Variants in ASPM observed in about 807,000 individuals in gnomAD.
ASPM encodes the protein assembly factor for spindle microtubules.
In ASPM, 256 loss-of-function variants were observed where a neutral mutation model predicts 366.4. The observed-to-expected ratio is 0.70, with a 90% CI of 0.63 to 0.77. The LOEUF (loss-of-function observed/expected upper bound fraction) is 0.77, where lower values mean the gene tolerates loss of function less well. Ranked by LOEUF, ASPM falls within the 30% of genes least tolerant of loss-of-function variation. ASPM has a pLI of 0.00. For missense variants in ASPM, 4,146 were observed against 4,090.4 expected (o/e 1.01, Z -0.37); for synonymous variants, 1,414 against 1,342.9 (o/e 1.05, Z -1.16).
rs749979514 is a variant in ASPM at position 197,103,263 on chromosome 1, A to T, written c.5988T>A (p.Ala1996=). The T allele has an allele frequency of 6.2e-7, 1 of 1,613,002 alleles. No homozygotes were observed. Among genetic ancestry groups the T allele is most frequent in the South Asian group, 1.1e-5 (1 of 91,068 alleles). ...TATAATACTTTTGAATCAGAAGAGC[A>T]GCTTTTTTCATGATTTTCCACTTCT... ...QQKKWKIMKK[A]ALLIQKYYRA... The change falls in exon 18 of 28, where the codon GCT becomes GCA. Residue 1996 remains alanine (A), a synonymous_variant. Coordinates refer to ENST00000367409, the MANE Select transcript of ASPM (RefSeq NM_018136.5).
chr1:197,087,234 C>A (rs886571747), intron 26 of ASPM, among the ~76,000 whole-genome samples: 1 of 151,784 alleles, frequency 6.6e-6, no homozygotes, highest in African/African-American at 2.4e-5. Flanking sequence ...GCCACCACAC[C>A]CGGCTAATTT....
At chr1:197,124,467 A>G (rs1658021612) in intron 12 of ASPM, 136 bp from the exon 13 acceptor site, 6 of 730,054 alleles carry the variant, frequency 8.2e-6, no homozygotes, top group Non-Finnish European at 8.9e-6. Context: ...AAAATCAAAG[A>G]AAATAAAGTG....
chr1:197,138,947 C>T, intron 4 of ASPM: 2 of 749,420 alleles, frequency 2.7e-6, no homozygotes, highest in Non-Finnish European at 4.9e-6. Flanking sequence ...CAGCTTCTTT[C>T]TCCTTGACTC....
intron 18 of ASPM, among the ~76,000 whole-genome samples, chr1:197,097,373 A>T (rs773727388): frequency 1.5e-4 from 22 of 151,450 alleles, no homozygotes; most frequent in Non-Finnish European, 2.1e-4. Context: ...AGGTAGCTTG[A>T]CTCTTTGTTC....
intron 17 of ASPM, among the ~76,000 whole-genome samples, chr1:197,111,748 C>A (rs1037257324): frequency 6.6e-6 from 1 of 151,794 alleles, no homozygotes; most frequent in Non-Finnish European, 1.5e-5. Context: ...ATGCAGCCAA[C>A]AATCATATGG....
intron 16 of ASPM, 28 bp downstream of exon 16, chr1:197,121,887 C>T: frequency 6.3e-7 from 1 of 1,580,092 alleles, no homozygotes; most frequent in African/African-American, 1.3e-5. Flanking sequence ...ATAATTCACA[C>T]TATAGTAGTT....
chr1:197,085,585 C>T (rs1656564275), intron 27 of ASPM, among the ~76,000 whole-genome samples: 1 of 152,110 alleles, frequency 6.6e-6, no homozygotes, highest in South Asian at 2.1e-4. Flanking sequence ...GAATGAAATT[C>T]AAATCCATGC....
chr1:197,128,894 T>C (rs964964963), intron 9 of ASPM, among the ~76,000 whole-genome samples: 2 of 152,088 alleles, frequency 1.3e-5, no homozygotes, highest in African/African-American at 4.8e-5. Flanking sequence ...ATATACTACA[T>C]CAAAATTAGG....
intron 17 of ASPM, among the ~76,000 whole-genome samples, chr1:197,112,914 A>G (rs1657631774): frequency 1.3e-5 from 2 of 152,142 alleles, no homozygotes; most frequent in African/African-American, 4.8e-5. Flanking sequence ...AAATTAACTG[A>G]GACCTGACTC....
chr1:197,109,084 T>C (rs1472392578), intron 17 of ASPM, among the ~76,000 whole-genome samples: 1 of 151,694 alleles, frequency 6.6e-6, no homozygotes, highest in Non-Finnish European at 1.5e-5. Flanking sequence ...ACTATGTGCT[T>C]TATGAATATG....
intron 18 of ASPM, among the ~76,000 whole-genome samples, chr1:197,097,827 GTT>G (rs1218235029): frequency 1.3e-5 from 2 of 151,538 alleles, no homozygotes; most frequent in East Asian, 3.9e-4. Context: ...TGGTGTTTTT[GTT>G]TTTGTTTTGC....
chr1:197,118,140 C>T (rs1326603334), intron 16 of ASPM, among the ~76,000 whole-genome samples, 157 bp from the exon 17 acceptor site: 1 of 152,070 alleles, frequency 6.6e-6, no homozygotes, highest in Admixed American at 6.6e-5. Flanking sequence ...CTGATAATTC[C>T]AGGCATGTCG....
chr1:197,102,927 T>A lies in ASPM; in HGVS notation c.6324A>T (p.Arg2108Ser). 1 of 1,612,498 alleles carries A rather than the reference T, an allele frequency of 6.2e-7. No individual in the cohort carries two copies. ...IKIQSVYRGI[R>S]VRRHIQHMHR... ...GCATGTGTTGAATATGTCTTCTAAC[T>A]CTAATACCTCTATAAACAGATTGGA... Residue 2108 changes from arginine (R) to serine (S), a missense_variant, in exon 18 of 28, where the codon AGA becomes AGT. Arg to Ser is a moderately radical substitution (Grantham distance 110). Around this residue, in one of 3 missense-constraint regions of ASPM, gnomAD observed 3,624 missense variants for 3,591.7 expected, o/e 1.01. Transcript: ENST00000367409.
In ASPM at chr1:197,132,276, T is replaced by A; in HGVS notation, c.2487+9A>T. On this transcript the variant is annotated intron_variant, in intron 7 of 27. Transcript: ENST00000367409. Reference sequence around the variant, plus strand: ...AATATTATTTTAGAAACCTGAAATATATGCTTACCTCTAGACCAATTCGAA... The same window carrying A: ...AATATTATTTTAGAAACCTGAAATAAATGCTTACCTCTAGACCAATTCGAA... 6.3e-7 allele frequency: 1 copy of A among 1,592,114 alleles called. No individual in the cohort carries two copies. The highest frequency in any genetic ancestry group is 1.2e-5 in the South Asian group (1 of 85,664).
intron 13 of ASPM, among the ~76,000 whole-genome samples, chr1:197,123,033 C>T (rs1657968401): frequency 6.6e-6 from 1 of 152,156 alleles, no homozygotes; most frequent in African/African-American, 2.4e-5. Flanking sequence ...AACCAATCCG[C>T]ACATAACCTT....
At chr1:197,131,957 T>C (rs1658267614) in intron 7 of ASPM, among the ~76,000 whole-genome samples, 1 of 152,204 alleles carries the variant, frequency 6.6e-6, no homozygotes, top group South Asian at 2.1e-4. Context: ...TTAGAAAATG[T>C]ATTCACAGCA....
At position 197,143,730 on chromosome 1, in the gene ASPM, A is replaced by G; in HGVS notation, c.522T>C (p.Asn174=). Residue 174 remains asparagine, a synonymous_variant, in exon 3 of 28, where the codon AAT becomes AAC. Transcript: ENST00000367409. The part of the protein sequence containing the change: ...SHNRRVSNIQ[N]VNKTFSVSQK... Reference sequence around the variant, plus strand: ...GGGAAACACTAAATGTTTTATTAACATTCTGAATATTTGAAACCCTTCTGT... The same window carrying G: ...GGGAAACACTAAATGTTTTATTAACGTTCTGAATATTTGAAACCCTTCTGT... 2 of 1,613,708 alleles carry G rather than the reference A, an allele frequency of 1.2e-6. No individual in the cohort carries two copies. Among genetic ancestry groups the G allele is most frequent in the Non-Finnish European group, 1.7e-6 (2 of 1,179,790 alleles).
chr1:197,133,939 G>A (rs1195163859), intron 5 of ASPM, among the ~76,000 whole-genome samples: 1 of 151,992 alleles, frequency 6.6e-6, no homozygotes, highest in East Asian at 1.9e-4. Flanking sequence ...AAAACCAATT[G>A]AATTTTGAAA....
At chr1:197,144,205 A>G (rs1658696997) in intron 1 of ASPM, 105 bp from the exon 2 acceptor site, 6 of 790,920 alleles carry the variant, frequency 7.6e-6, no homozygotes, top group Non-Finnish European at 1.3e-5. Context: ...ATTGTTAACC[A>G]ACACTCTATA....
Sources: gnomAD v4.1 joint callset for allele counts (sites outside exome capture counted in the v4.1 genomes callset) on GRCh38, gnomAD v4.1.1 for gene constraint, gnomAD v4.1.1 regional missense constraint, MANE v1.5 for transcripts, NCBI Gene and HGNC (gene_info 2026-07-23, HGNC 2026-07-21) for gene names.